The following HK1 variants were observed in gnomAD, a reference collection of about 807,000 sequenced individuals.
HK1 encodes hexokinase 1, also known as hexokinase-1.
Under a neutral mutation model 91.6 loss-of-function variants are expected in HK1, and 28 were observed. The ratio of observed to expected loss-of-function variants is 0.31; its 90% CI spans 0.23 to 0.42. The LOEUF is 0.42. Ranked by LOEUF, HK1 falls within the 10% of genes least tolerant of loss-of-function variation. HK1 has a pLI of 1.00. For synonymous variants in HK1, 430 were observed against 468.1 expected (o/e 0.92, Z 1.05); for missense variants, 770 against 1,219.8 (o/e 0.63, Z 5.49).
At chr10:69,399,739 G>T (rs1250262404) in intron 17 of HK1, among the ~76,000 whole-genome samples, 1 of 152,056 alleles carries the variant, frequency 6.6e-6, no homozygotes, top group Non-Finnish European at 1.5e-5. Context: ...TATGAATAGG[G>T]TGACCATATT....
At chr10:69,272,595 T>C (rs865830093) in intron 1 of HK1, among the ~76,000 whole-genome samples, 29 of 152,334 alleles carry the variant, frequency 1.9e-4, no homozygotes, top group Middle Eastern at 6.8e-3. Context: ...CATTTTCTTC[T>C]GGCTTCCATA....
At chr10:69,271,083 A>T (rs943454631) in intron 1 of HK1, 2 of 152,244 alleles carry the variant, frequency 1.3e-5, no homozygotes, top group African/African-American at 4.8e-5. Flanking sequence ...AATAAAAGAC[A>T]TCATTCCTGC....
intron 1 of HK1, among the ~76,000 whole-genome samples, chr10:69,326,332 G>A (rs1847375520): frequency 3.9e-5 from 6 of 152,154 alleles, no homozygotes; most frequent in Admixed American, 3.9e-4. Context: ...TGTCAGTACA[G>A]GAAGTATTAT....
At chr10:69,345,590 G>A (rs139789466) in intron 2 of HK1, among the ~76,000 whole-genome samples, 9 of 152,216 alleles carry the variant, frequency 5.9e-5, no homozygotes, top group Non-Finnish European at 1.2e-4. Context: ...GAGAGCACCT[G>A]CTTTGGCTTT....
chr10:69,318,317 C>A, upstream of HK1: 1 of 768,628 alleles, frequency 1.3e-6, no homozygotes, highest in Non-Finnish European at 1.6e-6. Flanking sequence ...CTCCCGCTTC[C>A]GCCCGCTTTC....
intron 2 of HK1, among the ~76,000 whole-genome samples, chr10:69,353,314 TATG>T (rs1192118536): frequency 6.6e-6 from 1 of 152,102 alleles, no homozygotes; most frequent in Non-Finnish European, 1.5e-5. Context: ...ACAGGCCAGG[TATG>T]ATGGCTCACG....
At chr10:69,387,576 G>A (rs1408568186) in intron 13 of HK1, among the ~76,000 whole-genome samples, 1 of 152,056 alleles carries the variant, frequency 6.6e-6, no homozygotes, top group Non-Finnish European at 1.5e-5. Context: ...TAGAGGTGGG[G>A]TCTTGCTATG....
chr10:69,355,756 C>A (rs2132739856), intron 2 of HK1, among the ~76,000 whole-genome samples: 1 of 152,238 alleles, frequency 6.6e-6, no homozygotes, highest in East Asian at 1.9e-4. Context: ...CATGCCACTG[C>A]ATTCCAGCCT....
At chr10:69,301,389 C>A (rs779170774) in intron 5 of HK1, among the ~76,000 whole-genome samples, 29 of 150,848 alleles carry the variant, frequency 1.9e-4, no homozygotes, top group Non-Finnish European at 2.8e-4. Context: ...GCCTGGCCAA[C>A]ATGGTGAAAC....
chr10:69,373,504 T>A lies in HK1; in HGVS notation c.876-3430T>A, dbSNP rs1850124446. On this transcript the variant is annotated intron_variant, in intron 7 of 17. Transcript: ENST00000359426. ...CCCTTATATTCCAGGCCTTTGATAT[T>A]CTTGCCACATGCTTGTCTTATACTG... Among the ~76,000 whole-genome samples the A allele has an allele frequency of 2.0e-5, 3 of 152,276 alleles. No homozygotes were observed. The South Asian group carries it at 6.2e-4, about 32-fold the overall frequency.
intron 3 of HK1, among the ~76,000 whole-genome samples, chr10:69,289,508 G>C (rs1358835815): frequency 8.2e-6 from 1 of 121,584 alleles, no homozygotes; most frequent in Non-Finnish European, 1.6e-5. Flanking sequence ...GTCTCATTCT[G>C]TTGCCCAGGC....
intron 12 of HK1, among the ~76,000 whole-genome samples, chr10:69,385,394 T>C (rs1221903756): frequency 6.6e-6 from 1 of 152,200 alleles, no homozygotes; most frequent in Non-Finnish European, 1.5e-5. Flanking sequence ...TGACTACTGA[T>C]TGGCTGGGCT....
chr10:69,371,217 C>T (rs1047578433), intron 7 of HK1, among the ~76,000 whole-genome samples: 25 of 152,106 alleles, frequency 1.6e-4, no homozygotes, highest in African/African-American at 5.8e-4. Context: ...TTCTTACACC[C>T]AGAGTTGAGC....
intron 1 of HK1, among the ~76,000 whole-genome samples, chr10:69,322,388 G>A (rs1237182417): frequency 6.6e-6 from 1 of 152,130 alleles, no homozygotes; most frequent in African/African-American, 2.4e-5. Flanking sequence ...TTCCCAGTTT[G>A]GAACCCCATT....
At chr10:69,396,266 G>A (rs1589591387) in intron 16 of HK1, among the ~76,000 whole-genome samples, 2 of 125,512 alleles carry the variant, frequency 1.6e-5, no homozygotes, top group Non-Finnish European at 1.6e-5. Flanking sequence ...GACAGACTCT[G>A]TCTCAAAAAA....
intron 16 of HK1, among the ~76,000 whole-genome samples, chr10:69,395,846 G>A (rs940361360): frequency 6.6e-6 from 1 of 152,152 alleles, no homozygotes; most frequent in Non-Finnish European, 1.5e-5. Flanking sequence ...TCCTGTCCAG[G>A]GTACATTTCT....
chr10:69,401,371 TTTTGACCTG>T lies in HK1; in HGVS notation c.*237_*245del. On this transcript the variant is annotated 3_prime_UTR_variant, in exon 18 of 18. Coordinates refer to ENST00000359426, the MANE Select transcript of HK1 (RefSeq NM_000188.3). ...TGCCCTGCCACTTTGCATGGTTTGA[TTTTGACCTG>T]GTCCCCCACGTGTGAAGTGTAGTGG... The T allele has an allele frequency of 1.7e-6, 1 of 597,260 alleles. No homozygotes were observed. The highest frequency in any genetic ancestry group is 2.9e-5 in the Admixed American group (1 of 34,470). The allele number at this position is 597,260 out of a possible 1,614,324, so 37.0% of individuals were successfully genotyped here. A position where few individuals can be genotyped will look rare whatever the true frequency, so the allele number is the denominator to read the frequency against.
chr10:69,293,306 C>T (rs952097234), intron 3 of HK1, among the ~76,000 whole-genome samples: 10 of 152,164 alleles, frequency 6.6e-5, no homozygotes, highest in African/African-American at 1.4e-4. Context: ...CTGAGGTTCC[C>T]AGCCTCAGTT....
At chr10:69,396,270 C>CAA (rs1307475339) in intron 16 of HK1, among the ~76,000 whole-genome samples, 3 of 62,770 alleles carry the variant, frequency 4.8e-5, no homozygotes, top group Non-Finnish European at 7.5e-5. Flanking sequence ...GACTCTGTCT[C>CAA]AAAAAAAAAA....
Sources: allele counts gnomAD v4.1 joint callset (sites outside exome capture counted in the v4.1 genomes callset), GRCh38; gene constraint gnomAD v4.1.1; transcripts MANE v1.5; gene names NCBI Gene and HGNC (gene_info 2026-07-23, HGNC 2026-07-21).